SCNN1G: variants seen among roughly 807,000 people sequenced by gnomAD.
The protein encoded by SCNN1G is epithelial sodium channel subunit gamma.
In SCNN1G, 27 loss-of-function variants were observed where a neutral mutation model predicts 64.6. That is an observed-to-expected ratio of 0.42 (90% CI 0.31 to 0.58). The LOEUF is 0.58. Ranked by LOEUF, SCNN1G falls within the 20% of genes least tolerant of loss-of-function variation. SCNN1G has a pLI of 0.18. For synonymous variants in SCNN1G, 330 were observed against 314.2 expected, an observed-to-expected ratio of 1.05 and a Z score of -0.53; for missense variants, 743 against 823.4, an observed-to-expected ratio of 0.90 and a Z score of 1.19.
rs4247210 is a variant in SCNN1G, at chr16:23,194,336, G to A, written c.913+62G>A. 1.1e-5 allele frequency: 13 copies of A among 1,151,440 alleles called. No homozygotes were observed. The African/African-American group carries it at 1.8e-4, about 16-fold the overall frequency. 71.3% of individuals were successfully genotyped at this position (1,151,440 alleles called of 1,614,324 possible). A position where few individuals can be genotyped will look rare whatever the true frequency, so the allele number is the denominator to read the frequency against. ...CCAATAGTGGACATGGGGGCAGCAG[G>A]ACAGTGGGGATGCGGGAGCCCTCTG... On this transcript the variant is annotated intron_variant, in intron 5 of 12. Coordinates refer to ENST00000300061, the MANE Select transcript of SCNN1G (RefSeq NM_001039.4).
rs548138845 is a variant in SCNN1G, at chr16:23,198,423, T to TAGAGAGAGACTGTTA, written c.1077+999_1077+1000insGAGAGACTGTTAAGA. Among the ~76,000 whole-genome samples, 39 of 152,290 alleles carry TAGAGAGAGACTGTTA rather than the reference T, an allele frequency of 2.6e-4. No homozygotes were observed. The East Asian group carries it at 6.2e-3, about 24-fold the overall frequency. ...TCTGCCTCTCCCTTTCTCTCTTTCA[T>TAGAGAGAGACTGTTA]AGAATGACTGTTAAGAACTTATTTA... is the stretch of plus-strand genomic sequence containing the variant. On this transcript the variant is annotated intron_variant, in intron 6 of 12. Transcript: ENST00000300061.
At chr16:23,198,452 C>A (rs571370814) in intron 6 of SCNN1G, among the ~76,000 whole-genome samples, 1 of 152,162 alleles carries the variant, frequency 6.6e-6, no homozygotes, top group Non-Finnish European at 1.5e-5. Flanking sequence ...TTATTTAGAC[C>A]GGGCACAGTG....
intron 7 of SCNN1G, among the ~76,000 whole-genome samples, chr16:23,210,235 A>C (rs1374483520): frequency 6.6e-6 from 1 of 152,174 alleles, no homozygotes; most frequent in Non-Finnish European, 1.5e-5. Flanking sequence ...TCCCCTCAGC[A>C]ACCACAAGGG....
chr16:23,201,529 C>CA (rs796312054), intron 6 of SCNN1G, among the ~76,000 whole-genome samples: 38,570 of 129,864 alleles, frequency 0.3, 5,316 homozygotes, highest in East Asian at 0.65. Flanking sequence ...AGAACAACAA[C>CA]AAAAAAAAAA....
intron 2 of SCNN1G, among the ~76,000 whole-genome samples, chr16:23,187,822 G>A (rs981285066): frequency 6.6e-6 from 1 of 152,194 alleles, no homozygotes; most frequent in Non-Finnish European, 1.5e-5. Flanking sequence ...TGGTCCGTGA[G>A]GCAGGTCAGA....
intron 7 of SCNN1G, among the ~76,000 whole-genome samples, chr16:23,210,722 G>A (rs1287509166): frequency 3.9e-5 from 6 of 152,176 alleles, no homozygotes; most frequent in Admixed American, 6.5e-5. Context: ...GAGAGGTGGT[G>A]TAGACACTGA....
chr16:23,216,163 T>A lies in SCNN1G; in HGVS notation c.*694T>A, dbSNP rs1960156552. ...GGATTTAGTTATTCAATTTTGTGGA[T>A]GAATAAATTGAGGCACAGAAAGATT... On this transcript the variant is annotated 3_prime_UTR_variant, in exon 13 of 13. Coordinates refer to ENST00000300061, the MANE Select transcript of SCNN1G (RefSeq NM_001039.4). 6.5e-6 allele frequency: 1 copy of A among 152,828 alleles called. No individual in the cohort carries two copies. The highest frequency in any genetic ancestry group is 6.5e-5 in the Admixed American group (1 of 15,336). 9.5% of individuals were successfully genotyped at this position (152,828 alleles called of 1,614,324 possible). A position where few individuals can be genotyped will look rare whatever the true frequency, so the allele number is the denominator to read the frequency against.
intron 3 of SCNN1G, 27 bp downstream of exon 3, chr16:23,189,698 A>T (rs1347781078): frequency 6.2e-7 from 1 of 1,609,172 alleles, no homozygotes; most frequent in East Asian, 2.2e-5. Flanking sequence ...TCATTCTTTC[A>T]CTGCTTAGGG....
chr16:23,207,419 G>T (rs911332055), intron 6 of SCNN1G, among the ~76,000 whole-genome samples: 1 of 152,246 alleles, frequency 6.6e-6, no homozygotes, highest in Non-Finnish European at 1.5e-5. Context: ...GGATGGCAAG[G>T]AATTGTGACC....
chr16:23,204,606 T>C (rs1933302434), intron 6 of SCNN1G, among the ~76,000 whole-genome samples: 1 of 150,852 alleles, frequency 6.6e-6, no homozygotes. Context: ...TAATGATTAT[T>C]TGCCGTATGT....
At chr16:23,203,641 G>A (rs1279765213) in intron 6 of SCNN1G, among the ~76,000 whole-genome samples, 3 of 151,692 alleles carry the variant, frequency 2.0e-5, no homozygotes, top group African/African-American at 7.3e-5. Flanking sequence ...GTGGTGGCAG[G>A]CGCCTGTAGT....
At chr16:23,199,062 C>T (rs1022087233) in intron 6 of SCNN1G, among the ~76,000 whole-genome samples, 1 of 151,946 alleles carries the variant, frequency 6.6e-6, no homozygotes. Flanking sequence ...AGAGTGTCCA[C>T]ACCAACCATA....
intron 4 of SCNN1G, among the ~76,000 whole-genome samples, chr16:23,193,069 C>CAAAAAAAAAAAAA (rs56318076): frequency 7.2e-5 from 5 of 69,120 alleles, no homozygotes; most frequent in African/African-American, 3.6e-4. Flanking sequence ...ACTCTTGTCT[C>CAAAAAAAAAAAAA]AAAAAAAAAA....
intron 6 of SCNN1G, among the ~76,000 whole-genome samples, chr16:23,201,942 A>T (rs1055764749): frequency 2.0e-5 from 3 of 152,088 alleles, no homozygotes; most frequent in Non-Finnish European, 4.4e-5. Flanking sequence ...TCAGCCTTCC[A>T]AGTAGCTGGG....
intron 6 of SCNN1G, among the ~76,000 whole-genome samples, chr16:23,201,976 C>T (rs1427299884): frequency 6.6e-6 from 1 of 152,136 alleles, no homozygotes; most frequent in East Asian, 1.9e-4. Flanking sequence ...GCCACCATAT[C>T]TGGCTAATTT....
chr16:23,183,699 CTG>C (rs71151701), intron 1 of SCNN1G, among the ~76,000 whole-genome samples: 28,706 of 152,140 alleles, frequency 0.19, 3,213 homozygotes, highest in Admixed American at 0.29. Flanking sequence ...CCTCATATAA[CTG>C]TAGTGAGGAT....
At position 23,189,601 on chromosome 16, in the gene SCNN1G, G is replaced by C. The variant is rs755673994; in HGVS notation, c.548G>C (p.Gly183Ala). Residue 183 changes from glycine (G) to alanine (A), a missense_variant, in exon 3 of 13, where the codon GGC becomes GCC. Transcript: ENST00000300061. ...TTCACAGGGAGGAAGCGGAAAGTCG[G>C]CGGTAGCATCATTCACAAGGCTTCA... ...DFFTGRKRKVGGSIIHKASNV... is the reference protein window; with the variant it reads ...DFFTGRKRKVAGSIIHKASNV... The C allele has an allele frequency of 2.5e-6, 4 of 1,614,124 alleles. No individual in the cohort carries two copies. Among genetic ancestry groups the C allele is most frequent in the Non-Finnish European group, 3.4e-6 (4 of 1,180,048 alleles).
intron 7 of SCNN1G, among the ~76,000 whole-genome samples, chr16:23,210,981 T>G (rs1960069648): frequency 6.6e-6 from 1 of 152,120 alleles, no homozygotes; most frequent in Non-Finnish European, 1.5e-5. Context: ...AAGCCTGCAG[T>G]GAGCCATGAT....
chr16:23,205,590 C>T (rs970007488), intron 6 of SCNN1G, among the ~76,000 whole-genome samples: 2 of 151,818 alleles, frequency 1.3e-5, no homozygotes, highest in African/African-American at 2.4e-5. Context: ...ATCCCAGCTG[C>T]TTGAGAGGCT....
Sources: allele counts gnomAD v4.1 joint callset (sites outside exome capture counted in the v4.1 genomes callset), GRCh38; gene constraint gnomAD v4.1.1; transcripts MANE v1.5; gene names NCBI Gene and HGNC (gene_info 2026-07-23, HGNC 2026-07-21).